TRIM5: variants seen among roughly 807,000 people sequenced by gnomAD.
TRIM5 encodes the protein tripartite motif containing 5.
In TRIM5, 31 loss-of-function variants were observed where a neutral mutation model predicts 35.6. That is an observed-to-expected ratio of 0.87 (90% CI 0.65 to 1.18). The LOEUF (loss-of-function observed/expected upper bound fraction) is 1.18. TRIM5 is among the 50% of genes most tolerant of loss of function. TRIM5 has a pLI of 0.00. For synonymous variants in TRIM5, 243 were observed against 215.6 expected (o/e 1.13, Z -1.11); for missense variants, 609 against 591.6 (o/e 1.03, Z -0.31).
the TRIM5 span, chr11:5,604,720 C>T: frequency 1.5e-6 from 2 of 1,355,902 alleles, no homozygotes; most frequent in African/African-American, 2.9e-5. Flanking sequence ...CCTGTCTGTC[C>T]TCTGATGCCA....
At position 5,680,167 on chromosome 11, in the gene TRIM5, C is replaced by A; in HGVS notation, c.11G>T (p.Gly4Val). 1 of 1,606,544 alleles carries A rather than the reference C, an allele frequency of 6.2e-7. No homozygotes were observed. The highest frequency in any genetic ancestry group is 8.5e-7 in the Non-Finnish European group (1 of 1,175,808). The stretch of plus-strand genomic sequence containing the variant: ...CTCCTCCTTTACATTAACCAGGATT[C>A]CAGAAGCCATAGTAGCTATTCCACT... The part of the protein sequence containing the change: MAS[G>V]ILVNVKEEVT... The change falls in exon 2 of 8, where the codon GGA (glycine) becomes GTA (valine). Residue 4 changes from glycine (G) to valine (V), a missense_variant. Coordinates refer to ENST00000380034, the MANE Select transcript of TRIM5 (RefSeq NM_033034.3).
At chr11:5,596,570 C>A in the TRIM5 span, 67 of 54,316 alleles carry the variant, frequency 1.2e-3, 1 homozygote, top group South Asian at 3.2e-3. Context: ...CCTCCCCCAT[C>A]TCCAGCCTGG....
At chr11:5,598,563 A>C in the TRIM5 span, among the ~76,000 whole-genome samples, 1 of 152,246 alleles carries the variant, frequency 6.6e-6, no homozygotes, top group African/African-American at 2.4e-5. Flanking sequence ...CAATACATGC[A>C]AAATACAATT....
chr11:5,608,895 G>C, the TRIM5 span, among the ~76,000 whole-genome samples: 3 of 128,154 alleles, frequency 2.3e-5, no homozygotes, highest in African/African-American at 3.2e-5. Flanking sequence ...CTGTCGCCCA[G>C]GCTGGAGTGC....
chr11:5,634,530 C>CACACACACACACACACACACAT, the TRIM5 span: 102 of 261,996 alleles, frequency 3.9e-4, 2 homozygotes, highest in African/African-American at 3.1e-3. Flanking sequence ...CACACACACA[C>CACACACACACACACACACACAT]ATATATATAT....
the TRIM5 span, chr11:5,645,924 T>G: frequency 1.3e-4 from 20 of 155,994 alleles, no homozygotes; most frequent in Middle Eastern, 2.9e-3. Context: ...TAGATATATA[T>G]ATAGATATAT....
chr11:5,609,910 G>A, the TRIM5 span, among the ~76,000 whole-genome samples: 16 of 151,816 alleles, frequency 1.1e-4, no homozygotes, highest in African/African-American at 3.1e-4. Context: ...GTGACAGAGC[G>A]AGACTCCTTC....
At chr11:5,648,670 C>A in the TRIM5 span, among the ~76,000 whole-genome samples, 2 of 152,116 alleles carry the variant, frequency 1.3e-5, no homozygotes, top group African/African-American at 4.8e-5. Flanking sequence ...CCAGTAGAGT[C>A]ATGTGAGGCT....
chr11:5,634,116 T>C, the TRIM5 span, among the ~76,000 whole-genome samples: 3 of 152,200 alleles, frequency 2.0e-5, no homozygotes, highest in Non-Finnish European at 2.9e-5. Flanking sequence ...ATAGACTCTA[T>C]GATGAGGAAG....
chr11:5,591,191 A>C, the TRIM5 span, among the ~76,000 whole-genome samples: 2 of 152,272 alleles, frequency 1.3e-5, no homozygotes, highest in Admixed American at 6.5e-5. Flanking sequence ...CCATTCATCA[A>C]GATAAGTAAT....
chr11:5,662,604 A>G (rs1850868163), downstream of TRIM5, among the ~76,000 whole-genome samples: 1 of 152,222 alleles, frequency 6.6e-6, no homozygotes, highest in Admixed American at 6.5e-5. Flanking sequence ...TAGAGTACTC[A>G]GAAATACTTA....
At chr11:5,669,984 A>C (rs2015090) in intron 4 of TRIM5, 24,509 of 160,142 alleles carry the variant, frequency 0.15, 2,930 homozygotes, top group East Asian at 0.44. Context: ...GAAAACAAAA[A>C]ACAAAAATAT....
At chr11:5,609,617 T>C in the TRIM5 span, among the ~76,000 whole-genome samples, 188 of 152,178 alleles carry the variant, frequency 1.2e-3, no homozygotes, top group Non-Finnish European at 2.2e-3. Context: ...AAAAACAAAA[T>C]GAGACTTTAA....
chr11:5,625,479 G>A, the TRIM5 span, among the ~76,000 whole-genome samples: 63 of 152,304 alleles, frequency 4.1e-4, 1 homozygote, highest in Non-Finnish European at 7.9e-4. Flanking sequence ...GGAGGTCTCT[G>A]TTTTCCAAGT....
At chr11:5,608,044 A>C in the TRIM5 span, among the ~76,000 whole-genome samples, 2 of 152,206 alleles carry the variant, frequency 1.3e-5, no homozygotes, top group Non-Finnish European at 2.9e-5. Flanking sequence ...CAAGGATAGA[A>C]ATTATGACTT....
the TRIM5 span, chr11:5,605,650 C>T: frequency 6.8e-7 from 1 of 1,464,450 alleles, no homozygotes; most frequent in Non-Finnish European, 9.0e-7. Flanking sequence ...ATCAGACTAC[C>T]ATCGTTGCAG....
the TRIM5 span, chr11:5,612,073 TACC>T: frequency 6.6e-6 from 1 of 152,238 alleles, no homozygotes; most frequent in East Asian, 1.9e-4. Flanking sequence ...TTCAATTTGT[TACC>T]ACAACTTGCT....
Position 5,664,776 on chromosome 11 carries a change from G to A in TRIM5, c.*33C>T, listed in dbSNP as rs375270437. ...TATGAGATGCACCTGGACAAGAGGTGCTGTACAGAAGGGGCTGAGTGTGTA... is the reference window on the plus strand; with the variant it reads ...TATGAGATGCACCTGGACAAGAGGTACTGTACAGAAGGGGCTGAGTGTGTA... On this transcript the variant is annotated 3_prime_UTR_variant, in exon 8 of 8. Transcript: ENST00000380034. The A allele has an allele frequency of 4.1e-5, 63 of 1,541,782 alleles. No individual in the cohort carries two copies. In the African/African-American group the frequency reaches 8.0e-4, roughly 20 times the overall value.
At position 5,666,004 on chromosome 11, in the gene TRIM5, T is replaced by C; in HGVS notation, c.845A>G (p.Lys282Arg). ...QRRVFRAPDLKGMLEVFRELT... is the reference protein window; with the variant it reads ...QRRVFRAPDLRGMLEVFRELT... ...ACCTCTAAACACTTCTAGCATTCCT[T>C]TCAGATCAGGAGCTCGAAACACTCT... The change falls in exon 6 of 8, where the codon AAA (lysine) becomes AGA (arginine). Residue 282 changes from lysine to arginine, a missense_variant. Lys to Arg is a conservative substitution (Grantham distance 26). Transcript: ENST00000380034. 6.2e-7 allele frequency: 1 copy of C among 1,613,350 alleles called. No individual in the cohort carries two copies. Among genetic ancestry groups the C allele is most frequent in the Non-Finnish European group, 8.5e-7 (1 of 1,179,798 alleles).
Sources: allele counts gnomAD v4.1 joint callset (sites outside exome capture counted in the v4.1 genomes callset), GRCh38; gene constraint gnomAD v4.1.1; transcripts MANE v1.5; gene names NCBI Gene and HGNC (gene_info 2026-07-23, HGNC 2026-07-21).